The following MCF2L variants were observed in gnomAD, a reference collection of about 807,000 sequenced individuals.
MCF2L encodes the protein guanine nucleotide exchange factor DBS.
Under a neutral mutation model 153.4 loss-of-function variants are expected in MCF2L, and 97 were observed. The ratio of observed to expected loss-of-function variants is 0.63; its 90% confidence interval spans 0.54 to 0.75. The LOEUF is 0.75. MCF2L is among the 30% of genes least tolerant of loss of function. MCF2L has a pLI of 0.00. For missense variants in MCF2L, 1,347 were observed against 1,495.2 expected (o/e 0.90, Z 1.64); for synonymous variants, 659 against 632.2 (o/e 1.04, Z -0.64).
intron 23 of MCF2L, among the ~76,000 whole-genome samples, chr13:113,088,050 G>A (rs1195898956): frequency 3.3e-5 from 5 of 152,234 alleles, no homozygotes; most frequent in East Asian, 1.9e-4. Context: ...GTCCCTGGAC[G>A]GTGCAAGTGT....
intron 2 of MCF2L, among the ~76,000 whole-genome samples, chr13:113,018,064 TTGTC>T (rs2084646681): frequency 6.6e-6 from 1 of 152,188 alleles, no homozygotes; most frequent in Admixed American, 6.5e-5. Flanking sequence ...TCTCCCTCCA[TTGTC>T]TGTAGACGCA....
At chr13:113,034,959 A>T (rs2086059743) in intron 3 of MCF2L, among the ~76,000 whole-genome samples, 1 of 152,170 alleles carries the variant, frequency 6.6e-6, no homozygotes, top group African/African-American at 2.4e-5. Flanking sequence ...GGGCGGTGGC[A>T]TCAGGGTGAG....
At position 113,082,479 on chromosome 13, in the gene MCF2L, G is replaced by A. The variant is rs781098186; in HGVS notation, c.1928G>A (p.Gly643Asp). Reference protein sequence around the residue: ...NPLMAHLLSTGLHNKKDVLFG... With the variant: ...NPLMAHLLSTDLHNKKDVLFG... ...CTGATGGCTCACCTCCTGTCAACAG[G>A]CCTTCACAACAAGAAGGATGTTTTG... Residue 643 changes from glycine to aspartate, a missense_variant, in exon 17 of 30, where the codon GGC becomes GAC. Transcript: ENST00000535094. The A allele has an allele frequency of 6.2e-7, 1 of 1,614,064 alleles. No individual in the cohort carries two copies. Among genetic ancestry groups the A allele is most frequent in the Non-Finnish European group, 8.5e-7 (1 of 1,179,954 alleles).
intron 2 of MCF2L, among the ~76,000 whole-genome samples, chr13:112,930,962 C>G (rs1249832432): frequency 6.6e-6 from 1 of 152,096 alleles, no homozygotes; most frequent in East Asian, 1.9e-4. Context: ...TAGTAAAAAT[C>G]ATTTCGGAGG....
chr13:113,016,662 G>A (rs2084537504), intron 2 of MCF2L, among the ~76,000 whole-genome samples: 1 of 152,072 alleles, frequency 6.6e-6, no homozygotes, highest in African/African-American at 2.4e-5. Context: ...CCCCCTGGAG[G>A]CAGGCTGCCT....
Position 113,097,747 on chromosome 13 carries a change from A to T in MCF2L, c.*888A>T, listed in dbSNP as rs1012173844. ...GCTTTTAAAGAAAATACAAAGATGC[A>T]GTTTCTGCAGGGTGTGGCGTGGACC... On this transcript the variant is annotated 3_prime_UTR_variant, in exon 30 of 30. Transcript: ENST00000535094. 4.6e-5 allele frequency: 7 copies of T among 152,332 alleles called. No homozygotes were observed. The highest frequency in any genetic ancestry group is 3.9e-4 in the East Asian group (2 of 5,188). 9.4% of individuals were successfully genotyped at this position (152,332 alleles called of 1,614,324 possible). A position where few individuals can be genotyped will look rare whatever the true frequency, so the allele number is the denominator to read the frequency against.
chr13:112,920,741 A>G (rs1326966077), intron 2 of MCF2L, among the ~76,000 whole-genome samples: 1 of 150,624 alleles, frequency 6.6e-6, no homozygotes, highest in African/African-American at 2.4e-5. Flanking sequence ...TGCAGGGAGG[A>G]CCCGACCGAG....
rs561670925 is a variant in MCF2L at position 112,979,287 on chromosome 13, G to A, written c.79+9829G>A. On this transcript the variant is annotated intron_variant, in intron 1 of 29. Coordinates refer to ENST00000535094, the MANE Select transcript of MCF2L (RefSeq NM_001112732.3). ...GGAGGTCCAGCCCACGCAAGCCCCC[G>A]CCCTGTTCGAGGAAGGAAAGGCCCA... 46 of 1,118,630 alleles carry A rather than the reference G, an allele frequency of 4.1e-5. No individual in the cohort carries two copies. In the African/African-American group the frequency reaches 6.8e-4, roughly 17 times the overall value. The allele number at this position is 1,118,630 out of a possible 1,614,324, so 69.3% of individuals were successfully genotyped here. A position where few individuals can be genotyped will look rare whatever the true frequency, so the allele number is the denominator to read the frequency against.
chr13:113,096,395 G>T lies in MCF2L; in HGVS notation c.3100G>T (p.Ala1034Ser). Reference protein sequence around the residue: ...KLVPGKYTVVADHEKGGPDAL... With the variant: ...KLVPGKYTVVSDHEKGGPDAL... ...GGTTCCAGGTAAATACACGGTCGTGGCGGACCACGAGAAGGGAGGCCCCGA... is the reference window on the plus strand; with the variant it reads ...GGTTCCAGGTAAATACACGGTCGTGTCGGACCACGAGAAGGGAGGCCCCGA... Residue 1034 changes from alanine (A) to serine (S), a missense_variant, in exon 28 of 30, where the codon GCG becomes TCG. Ala to Ser is a moderately conservative substitution (Grantham distance 99). Coordinates refer to ENST00000535094, the MANE Select transcript of MCF2L (RefSeq NM_001112732.3). 6.3e-7 allele frequency: 1 copy of T among 1,589,386 alleles called. No individual in the cohort carries two copies.
intron 1 of MCF2L, among the ~76,000 whole-genome samples, chr13:112,988,286 ACCTTTGGGGTACAG>A (rs1347508518): frequency 6.6e-6 from 1 of 151,544 alleles, no homozygotes; most frequent in Non-Finnish European, 1.5e-5. Flanking sequence ...GTTGTTAAGC[ACCTTTGGGGTACAG>A]CCCTGCCATG....
chr13:113,023,217 A>G (rs1301167649), intron 2 of MCF2L, among the ~76,000 whole-genome samples: 3 of 152,240 alleles, frequency 2.0e-5, no homozygotes, highest in Non-Finnish European at 4.4e-5. Context: ...AAAGGAGGTT[A>G]GGAAGGAGCG....
chr13:112,962,045 A>G (rs574116583), intron 2 of MCF2L, among the ~76,000 whole-genome samples: 21 of 148,670 alleles, frequency 1.4e-4, no homozygotes, highest in African/African-American at 5.2e-4. Flanking sequence ...GCACACACAC[A>G]CACGGACACG....
intron 3 of MCF2L, among the ~76,000 whole-genome samples, chr13:113,042,116 G>A (rs373255577): frequency 2.5e-4 from 38 of 151,866 alleles, no homozygotes; most frequent in African/African-American, 7.0e-4. Context: ...CCTGCACCCC[G>A]TTCCCACACA....
At chr13:112,924,357 G>C (rs1374581573) in intron 2 of MCF2L, among the ~76,000 whole-genome samples, 1 of 151,790 alleles carries the variant, frequency 6.6e-6, no homozygotes, top group Admixed American at 6.6e-5. Context: ...TTACATTTCT[G>C]GAAAACCCAA....
intron 1 of MCF2L, among the ~76,000 whole-genome samples, chr13:113,013,389 T>G (rs2084300869): frequency 6.6e-6 from 1 of 152,068 alleles, no homozygotes; most frequent in Non-Finnish European, 1.5e-5. Flanking sequence ...ACCGTGGCCC[T>G]GCTGCTTCCC....
intron 1 of MCF2L, among the ~76,000 whole-genome samples, chr13:113,013,119 A>G (rs1208217538): frequency 6.6e-6 from 1 of 152,170 alleles, no homozygotes; most frequent in Non-Finnish European, 1.5e-5. Context: ...AAATCTGAAC[A>G]TCCAACTGCG....
chr13:112,943,476 C>T lies in MCF2L; in HGVS notation c.169+41105C>T, dbSNP rs1167627241. On this transcript the variant is annotated intron_variant, in intron 2 of 29. Coordinates refer to the MCF2L transcript ENST00000375608. The surrounding 1 kb of genome is among the most constrained non-coding windows in gnomAD (Gnocchi z 4.2). ...CGCCTTGGTTGCAGGGGCCGGGGCG[C>T]GGCGGCCCGGGCTTTGAGAGACGGG... is the stretch of plus-strand genomic sequence containing the variant. Among the ~76,000 whole-genome samples, 2 of 151,906 alleles carry T rather than the reference C, an allele frequency of 1.3e-5. No homozygotes were observed. Among genetic ancestry groups the T allele is most frequent in the Non-Finnish European group, 2.9e-5 (2 of 67,920 alleles).
At chr13:113,089,105 G>A (rs1382797656) in intron 25 of MCF2L, among the ~76,000 whole-genome samples, 1 of 151,490 alleles carries the variant, frequency 6.6e-6, no homozygotes, top group Non-Finnish European at 1.5e-5. Context: ...ATCATTCATG[G>A]AACAGGATAT....
intron 2 of MCF2L, among the ~76,000 whole-genome samples, chr13:112,963,107 C>T (rs1456585448): frequency 6.6e-6 from 1 of 152,162 alleles, no homozygotes; most frequent in Non-Finnish European, 1.5e-5. Context: ...TGGCAGCCTT[C>T]TCTCATGCCT....
Sources: gnomAD v4.1 joint callset for allele counts (sites outside exome capture counted in the v4.1 genomes callset) on GRCh38, gnomAD v4.1.1 for gene constraint, Gnocchi (gnomAD v3.1) non-coding constraint, MANE v1.5 for transcripts, NCBI Gene and HGNC (gene_info 2026-07-23, HGNC 2026-07-21) for gene names.